TINCR: variants seen among roughly 807,000 people sequenced by gnomAD.
TINCR encodes TINCR ubiquitin domain containing, also known as TINCR-encoded ubiquitin-like protein.
chr19:5,566,349 C>T (rs777303719), intron 1 of TINCR, among the ~76,000 whole-genome samples: 30 of 149,360 alleles, frequency 2.0e-4, no homozygotes, highest in Non-Finnish European at 4.2e-4. Flanking sequence ...GACAGAGACA[C>T]GCAGAGAAAC....
At chr19:5,567,750 T>C in exon 1 of TINCR, 1 of 388,256 alleles carries the variant, frequency 2.6e-6, no homozygotes, top group Non-Finnish European at 4.6e-6. Context: ...CGCCGCGCGT[T>C]GTAGTAGAAG....
chr19:5,567,287 A>T (rs895880989), intron 1 of TINCR, among the ~76,000 whole-genome samples: 4 of 152,204 alleles, frequency 2.6e-5, no homozygotes, highest in African/African-American at 9.6e-5. Context: ...AGAGACAAAG[A>T]GAGGCACAGA....
downstream of TINCR, chr19:5,559,451 C>G (rs923183159): frequency 6.6e-6 from 1 of 152,258 alleles, no homozygotes; most frequent in African/African-American, 2.4e-5. Context: ...TCTCCTGCCT[C>G]AGCCTACCAA....
chr19:5,559,668 G>C (rs2052090743), downstream of TINCR: 1 of 152,182 alleles, frequency 6.6e-6, no homozygotes, highest in Admixed American at 6.5e-5. Context: ...GCTCCAAAAA[G>C]ATGTGCACAA....
chr19:5,567,629 G>GGCCCCCCCCCCC, intron 1 of TINCR, 36 bp downstream of exon 1: 1 of 181,986 alleles, frequency 5.5e-6, no homozygotes, highest in Non-Finnish European at 1.1e-5. Flanking sequence ...CCCGGCCGCC[G>GGCCCCCCCCCCC]CCCCCGCCCC....
In TINCR at chr19:5,567,702, G is replaced by A. The variant is rs1368504222; in HGVS notation, c.223C>T (p.Gln75Ter). ...ACGAGCAGCAGCACCGAGCCGTCCT[G>A]CAGGCGCGCGTCGCGCACCGTCTGG... The change falls in exon 1 of 2, where the codon CAG (glutamine) becomes TAG (stop). Residue 75 changes from glutamine (Q) to a stop codon, truncating the protein, a stop_gained. Transcript: ENST00000646160. LOFTEE classifies it high-confidence loss of function. 5 of 316,480 alleles carry A rather than the reference G, an allele frequency of 1.6e-5. No homozygotes were observed. Among genetic ancestry groups the A allele is most frequent in the Non-Finnish European group, 2.8e-5 (5 of 176,116 alleles). 19.6% of individuals were successfully genotyped at this position (316,480 alleles called of 1,614,324 possible). A position where few individuals can be genotyped will look rare whatever the true frequency, so the allele number is the denominator to read the frequency against.
rs1472235362 is a variant in TINCR at position 5,565,413 on chromosome 19, T to C, written c.260+2252A>G. ...GAGTTGACATTCTCCTGTGCTATTA[T>C]TTGGCTCTAGGCTCTGTGAAGGCGA... is the stretch of plus-strand genomic sequence containing the variant. On this transcript the variant is annotated intron_variant, in intron 1 of 1. Transcript: ENST00000646160. The surrounding 1 kb of genome is among the most constrained non-coding windows in gnomAD (Gnocchi z 4.0). Among the ~76,000 whole-genome samples the C allele has an allele frequency of 1.3e-5, 2 of 152,324 alleles. No homozygotes were observed. The highest frequency in any genetic ancestry group is 1.9e-4 in the East Asian group (1 of 5,172).
rs1023936946 is a variant in TINCR at position 5,562,801 on chromosome 19, G to C, written c.*46C>G. 1 of 152,252 alleles carries C rather than the reference G, an allele frequency of 6.6e-6. No homozygotes were observed. The highest frequency in any genetic ancestry group is 6.5e-5 in the Admixed American group (1 of 15,276). 9.4% of individuals were successfully genotyped at this position (152,252 alleles called of 1,614,324 possible). On this transcript the variant is annotated 3_prime_UTR_variant, in exon 2 of 2. Transcript: ENST00000646160. The surrounding 1 kb of genome is among the most constrained non-coding windows in gnomAD (Gnocchi z 4.4). ...CCAGTAGCTGGGATTACAGGCATGC[G>C]CCATCATGCCCGGCTAATTTTTGTA... is the stretch of plus-strand genomic sequence containing the variant.
At chr19:5,567,935 C>A (rs2052140970) in exon 1 of TINCR, 2 of 379,308 alleles carry the variant, frequency 5.3e-6, no homozygotes, top group Admixed American at 4.6e-5. Context: ...GGCGCCCGCC[C>A]GGCTCCGGCT....
downstream of TINCR, chr19:5,560,728 C>G (rs1428551531): frequency 6.6e-6 from 1 of 152,388 alleles, no homozygotes; most frequent in Non-Finnish European, 1.5e-5. This position sits in a 1 kb window ranked among gnomAD's most constrained non-coding sequence, Gnocchi z 4.5. Context: ...AAGGGGGAAA[C>G]AGCCCAGGGG....
In TINCR at chr19:5,565,322, C is replaced by A. The variant is rs1006918044; in HGVS notation, c.260+2343G>T. Among the ~76,000 whole-genome samples the A allele has an allele frequency of 6.6e-6, 1 of 152,160 alleles. No individual in the cohort carries two copies. Among genetic ancestry groups the A allele is most frequent in the Non-Finnish European group, 1.5e-5 (1 of 68,032 alleles). ...ATCATAGCCTGACATGTCACCTTTC[C>A]GGAGAGGCGTCCCCCAGTCACTGAT... On this transcript the variant is annotated intron_variant, in intron 1 of 1. Coordinates refer to ENST00000646160, the Ensembl canonical transcript of TINCR. This position sits in a 1 kb window ranked among gnomAD's most constrained non-coding sequence, Gnocchi z 4.0.
chr19:5,567,452 C>G (rs547603563), intron 1 of TINCR, among the ~76,000 whole-genome samples: 4 of 152,200 alleles, frequency 2.6e-5, no homozygotes, highest in African/African-American at 4.8e-5. Flanking sequence ...ACAGCAGAGA[C>G]AGAAACAGGC....
chr19:5,566,635 GAGAC>G (rs142848587), intron 1 of TINCR, among the ~76,000 whole-genome samples: 1,538 of 151,776 alleles, frequency 0.01, 14 homozygotes, highest in Non-Finnish European at 0.016. Context: ...AATGGACAAA[GAGAC>G]AGAGAGACAG....
intron 1 of TINCR, among the ~76,000 whole-genome samples, chr19:5,566,596 C>CAG (rs145448639): frequency 0.018 from 2,753 of 150,876 alleles, 35 homozygotes; most frequent in Non-Finnish European, 0.02. Flanking sequence ...CACAGAGAGA[C>CAG]AGAGAGAAAA....
intron 1 of TINCR, 86 bp downstream of exon 1, chr19:5,567,579 C>T (rs1456236526): frequency 5.3e-6 from 2 of 375,440 alleles, no homozygotes; most frequent in African/African-American, 2.1e-5. Flanking sequence ...CCCGGGAGGC[C>T]GCCTTGGGCG....
chr19:5,563,398 G>A lies in TINCR; in HGVS notation c.261-449C>T, dbSNP rs1338349234. ...ATTATGGTTAGACTTTGAAGGCGGA[G>A]CTGATGGAACCAGCTGAAGGACAGA... On this transcript the variant is annotated intron_variant, in intron 1 of 1. Transcript: ENST00000646160. The surrounding 1 kb of genome is among the most constrained non-coding windows in gnomAD (Gnocchi z 4.7). Among the ~76,000 whole-genome samples the A allele has an allele frequency of 6.6e-6, 1 of 152,178 alleles. No homozygotes were observed. Among genetic ancestry groups the A allele is most frequent in the African/African-American group, 2.4e-5 (1 of 41,446 alleles).
intron 1 of TINCR, among the ~76,000 whole-genome samples, chr19:5,566,557 A>G (rs2052130388): frequency 6.6e-6 from 1 of 151,792 alleles, no homozygotes; most frequent in African/African-American, 2.4e-5. Flanking sequence ...ACACACAGAC[A>G]GAACTGGACA....
chr19:5,564,582 TTTTTC>T (rs1348561550), intron 1 of TINCR, among the ~76,000 whole-genome samples: 2 of 152,082 alleles, frequency 1.3e-5, no homozygotes, highest in Non-Finnish European at 1.5e-5. Context: ...AACTCTCTCT[TTTTTC>T]TTTTGTTTTG....
rs2052114408 is a variant in TINCR, at chr19:5,563,918, A to C, written c.261-969T>G. 1.3e-5 allele frequency among the ~76,000 whole-genome samples: 2 copies of C among 152,090 alleles called. No individual in the cohort carries two copies. Among genetic ancestry groups the C allele is most frequent in the Admixed American group, 1.3e-4 (2 of 15,246 alleles). ...CGACAGAGCAAGACTCCCGTCTCAAAAATAATAAATAATAAATAAATAAAA... is the reference window on the plus strand; with the variant it reads ...CGACAGAGCAAGACTCCCGTCTCAACAATAATAAATAATAAATAAATAAAA... On this transcript the variant is annotated intron_variant, in intron 1 of 1. Coordinates refer to ENST00000646160, the Ensembl canonical transcript of TINCR. The surrounding 1 kb of genome is among the most constrained non-coding windows in gnomAD (Gnocchi z 4.7).
Sources: allele counts gnomAD v4.1 joint callset (sites outside exome capture counted in the v4.1 genomes callset), GRCh38; gene constraint gnomAD v4.1.1; non-coding constraint Gnocchi (gnomAD v3.1); transcripts MANE v1.5; gene names NCBI Gene and HGNC (gene_info 2026-07-23, HGNC 2026-07-21).